PDE4D: variants seen among roughly 807,000 people sequenced by gnomAD.
PDE4D encodes 3',5'-cyclic-AMP phosphodiesterase 4D.
A neutral mutation model predicts 87.4 loss-of-function variants in PDE4D; 24 were observed. The ratio of observed to expected loss-of-function variants is 0.27; its 90% CI spans 0.20 to 0.39. The LOEUF (loss-of-function observed/expected upper bound fraction) is 0.39. Ranked by LOEUF, PDE4D falls within the 10% of genes least tolerant of loss-of-function variation. PDE4D has a pLI of 1.00. For missense variants in PDE4D, 714 were observed against 1,041.0 expected, an observed-to-expected ratio of 0.69 and a Z score of 4.32; for synonymous variants, 384 against 383.2, an observed-to-expected ratio of 1.00 and a Z score of -0.02.
At chr5:60,409,814 A>G (rs1741888175) in intron 1 of PDE4D, among the ~76,000 whole-genome samples, 1 of 152,214 alleles carries the variant, frequency 6.6e-6, no homozygotes, top group Admixed American at 6.5e-5. Context: ...CCATGGTGAA[A>G]TGAAGATTTG....
chr5:59,772,283 C>G (rs1581035674), intron 1 of PDE4D, among the ~76,000 whole-genome samples: 1 of 152,286 alleles, frequency 6.6e-6, no homozygotes, highest in East Asian at 1.9e-4. Context: ...TTCACAAAAT[C>G]TCTTTAAAAT....
chr5:59,444,584 G>A (rs1013080991), intron 1 of PDE4D, among the ~76,000 whole-genome samples: 1 of 152,038 alleles, frequency 6.6e-6, no homozygotes, highest in African/African-American at 2.4e-5. Flanking sequence ...AGGCCGAGGC[G>A]GGCGGATCAC....
At chr5:59,600,599 A>G (rs917546756) in intron 1 of PDE4D, among the ~76,000 whole-genome samples, 2 of 152,202 alleles carry the variant, frequency 1.3e-5, no homozygotes, top group African/African-American at 4.8e-5. Flanking sequence ...GAAGTTTACC[A>G]TAAATATTTA....
chr5:59,934,430 A>C (rs1021442487), intron 3 of PDE4D, among the ~76,000 whole-genome samples: 3 of 152,160 alleles, frequency 2.0e-5, no homozygotes, highest in Non-Finnish European at 4.4e-5. Context: ...CTGTGGTTCT[A>C]TCACTCTAAT....
At chr5:59,762,846 T>A (rs1762302586) in intron 1 of PDE4D, among the ~76,000 whole-genome samples, 1 of 113,730 alleles carries the variant, frequency 8.8e-6, no homozygotes. Context: ...AAGAGCAAAC[T>A]GCTTAAGGAT....
chr5:59,325,851 G>A (rs1352801512), intron 1 of PDE4D, among the ~76,000 whole-genome samples: 1 of 150,522 alleles, frequency 6.6e-6, no homozygotes, highest in Non-Finnish European at 1.5e-5. Context: ...GTCTACTCTA[G>A]ATTTTTTTTT....
At chr5:60,219,273 A>G (rs1402298848) in intron 1 of PDE4D, among the ~76,000 whole-genome samples, 1 of 152,210 alleles carries the variant, frequency 6.6e-6, no homozygotes, top group Non-Finnish European at 1.5e-5. Flanking sequence ...AGCTTCCTGG[A>G]GAATTGTTGT....
intron 1 of PDE4D, among the ~76,000 whole-genome samples, chr5:60,495,977 A>C (rs1749796273): frequency 6.6e-6 from 1 of 152,260 alleles, no homozygotes; most frequent in Non-Finnish European, 1.5e-5. Flanking sequence ...CCCCAAGTGA[A>C]CAGTGAGTTT....
intron 6 of PDE4D, among the ~76,000 whole-genome samples, chr5:58,994,662 C>T (rs997374848): frequency 3.3e-5 from 5 of 152,030 alleles, no homozygotes; most frequent in African/African-American, 1.2e-4. Context: ...AATTATTTTG[C>T]TTCTCTGCAT....
intron 1 of PDE4D, among the ~76,000 whole-genome samples, chr5:59,356,285 T>C (rs1781355252): frequency 6.6e-6 from 1 of 152,232 alleles, no homozygotes; most frequent in South Asian, 2.1e-4. Context: ...ATATTTAGTT[T>C]GAATTCATGA....
intron 1 of PDE4D, among the ~76,000 whole-genome samples, chr5:59,534,625 T>C (rs1426872678): frequency 6.6e-6 from 1 of 152,204 alleles, no homozygotes; most frequent in Non-Finnish European, 1.5e-5. Context: ...AGAGGCCTTG[T>C]GGGATGAACC....
At chr5:60,157,085 T>C (rs1173470441) in intron 2 of PDE4D, among the ~76,000 whole-genome samples, 2 of 152,180 alleles carry the variant, frequency 1.3e-5, no homozygotes, top group African/African-American at 4.8e-5. Context: ...CAAAGTACTT[T>C]CCAGCAAAGT....
At chr5:59,006,921 C>T (rs1751733867) in intron 6 of PDE4D, among the ~76,000 whole-genome samples, 1 of 152,140 alleles carries the variant, frequency 6.6e-6, no homozygotes, top group Admixed American at 6.5e-5. Context: ...AGTTGTCTTG[C>T]TCAAGGTCAC....
intron 1 of PDE4D, among the ~76,000 whole-genome samples, chr5:59,286,453 C>A (rs764154581): frequency 6.6e-6 from 1 of 152,084 alleles, no homozygotes; most frequent in Non-Finnish European, 1.5e-5. Flanking sequence ...CTAAACAAAT[C>A]GTATTTTAAG....
chr5:59,286,805 T>C (rs572414463), intron 1 of PDE4D, among the ~76,000 whole-genome samples: 51 of 152,330 alleles, frequency 3.3e-4, no homozygotes, highest in African/African-American at 1.2e-3. Flanking sequence ...AAATACAATA[T>C]GTGATCAAAC....
chr5:59,929,394 GCCT>G (rs1755642960), intron 3 of PDE4D, among the ~76,000 whole-genome samples: 1 of 151,746 alleles, frequency 6.6e-6, no homozygotes, highest in Admixed American at 6.6e-5. Context: ...CAATTTCTCT[GCCT>G]CTCAAAACAT....
chr5:60,038,776 G>C (rs1768111183), intron 2 of PDE4D, among the ~76,000 whole-genome samples: 2 of 151,718 alleles, frequency 1.3e-5, no homozygotes, highest in African/African-American at 4.8e-5. Flanking sequence ...AGTGAGTGAA[G>C]GACATGAACA....
chr5:60,117,046 TAA>T (rs34225782), intron 2 of PDE4D, among the ~76,000 whole-genome samples: 32 of 150,706 alleles, frequency 2.1e-4, no homozygotes, highest in African/African-American at 3.6e-4. Flanking sequence ...TGCATATTTC[TAA>T]AAAAAAAAAT....
chr5:59,772,124 G>C (rs1421834396), intron 1 of PDE4D, among the ~76,000 whole-genome samples: 1 of 152,182 alleles, frequency 6.6e-6, no homozygotes, highest in Non-Finnish European at 1.5e-5. Context: ...AGTCATGCTT[G>C]AAAATTGCTG....
Sources: allele counts gnomAD v4.1 joint callset (sites outside exome capture counted in the v4.1 genomes callset), GRCh38; gene constraint gnomAD v4.1.1; transcripts MANE v1.5; gene names NCBI Gene and HGNC (gene_info 2026-07-23, HGNC 2026-07-21).